The following BAIAP2L2 variants were observed in gnomAD, a reference collection of about 807,000 sequenced individuals.
BAIAP2L2 encodes the protein BAR/IMD domain containing adaptor protein 2 like 2.
BAIAP2L2 carries 65 observed loss-of-function variants against 60.4 expected under a neutral mutation model. The observed-to-expected ratio is 1.08, with a 90% CI of 0.88 to 1.32. The LOEUF is 1.32. Among genes scored for constraint, BAIAP2L2 ranks in the 40% most tolerant of loss-of-function variants. BAIAP2L2 has a pLI of 0.00. For missense variants in BAIAP2L2, 836 were observed against 741.2 expected, an observed-to-expected ratio of 1.13 and a Z score of -1.48; for synonymous variants, 344 against 301.7, an observed-to-expected ratio of 1.14 and a Z score of -1.45.
intron 7 of BAIAP2L2, among the ~76,000 whole-genome samples, chr22:38,094,950 G>A (rs1388133058): frequency 6.6e-6 from 1 of 152,068 alleles, no homozygotes; most frequent in Non-Finnish European, 1.5e-5. Context: ...TCAGGAGTTC[G>A]AGACCACCCT....
chr22:38,104,138 C>T (rs1035292659), intron 4 of BAIAP2L2, among the ~76,000 whole-genome samples: 1 of 152,124 alleles, frequency 6.6e-6, no homozygotes, highest in East Asian at 1.9e-4. Context: ...CCATATGAAA[C>T]GTGCCAGTGG....
chr22:38,107,413 G>A (rs916789964), intron 4 of BAIAP2L2, among the ~76,000 whole-genome samples: 3 of 152,142 alleles, frequency 2.0e-5, no homozygotes, highest in Admixed American at 6.6e-5. Context: ...CTGCTGGATC[G>A]ACAGAGCCAG....
In BAIAP2L2 at chr22:38,098,469, T is replaced by C. The variant is rs962391577; in HGVS notation, c.290A>G (p.His97Arg). Residue 97 changes from histidine to arginine, a missense_variant, in exon 5 of 14, where the codon CAT becomes CGT. Physicochemically the swap from His to Arg is conservative, Grantham distance 29. Coordinates refer to ENST00000381669, the MANE Select transcript of BAIAP2L2 (RefSeq NM_025045.6). ...SDLEVVVQTF[H>R]GGLLQHMEKN... ...CTCCATGTGCTGCAGCAGGCCTCCA[T>C]GGAATGTCTGCACCTGAGCGGAGTG... 1 of 1,613,802 alleles carries C rather than the reference T, an allele frequency of 6.2e-7. No homozygotes were observed. Among genetic ancestry groups the C allele is most frequent in the Admixed American group, 1.7e-5 (1 of 60,012 alleles).
Position 38,089,110 on chromosome 22 carries a change from C to CG in BAIAP2L2, c.886dup (p.Arg296ProfsTer137). Reference sequence around the variant, plus strand: ...GGGGCACTCACAGGCCGACGGCGTGCGGGGCAGGGAGCGACGGTCTGGCTC... The same window carrying CG: ...GGGGCACTCACAGGCCGACGGCGTGCGGGGGCAGGGAGCGACGGTCTGGCTC... On this transcript the variant is annotated frameshift_variant, in exon 9 of 14. Coordinates refer to ENST00000381669, the MANE Select transcript of BAIAP2L2 (RefSeq NM_025045.6). LOFTEE classifies it high-confidence loss of function. 1 of 1,375,764 alleles carries CG rather than the reference C, an allele frequency of 7.3e-7. No homozygotes were observed. Among genetic ancestry groups the CG allele is most frequent in the Non-Finnish European group, 9.3e-7 (1 of 1,071,012 alleles). The allele number at this position is 1,375,764 out of a possible 1,614,324, so 85.2% of individuals were successfully genotyped here.
chr22:38,098,008 C>CCCCCCCCCCA, intron 6 of BAIAP2L2, 55 bp downstream of exon 6: 1 of 506,978 alleles, frequency 2.0e-6, no homozygotes, highest in Non-Finnish European at 2.8e-6. Flanking sequence ...CGGTCTCGCC[C>CCCCCCCCCCA]CGAGGTCTGC....
At chr22:38,085,509 G>C (rs9610902) in intron 13 of BAIAP2L2, 134 bp from the exon 14 acceptor site, 9 of 1,247,420 alleles carry the variant, frequency 7.2e-6, no homozygotes, top group South Asian at 1.3e-5. Context: ...TCCTTGCCCC[G>C]CTTCATCTTT....
chr22:38,107,828 C>T (rs368830348), intron 4 of BAIAP2L2, 24 bp downstream of exon 4: 1 of 1,610,612 alleles, frequency 6.2e-7, no homozygotes, highest in Non-Finnish European at 8.5e-7. Flanking sequence ...GTGACCCCTC[C>T]AGGCCCTGGG....
intron 7 of BAIAP2L2, 31 bp downstream of exon 7, chr22:38,097,001 G>A (rs754264033): frequency 6.3e-7 from 1 of 1,591,018 alleles, no homozygotes; most frequent in Non-Finnish European, 8.6e-7. Context: ...TCCTAGAAGC[G>A]CCCCGCTTGC....
At chr22:38,108,687 G>A (rs1439384172) in intron 2 of BAIAP2L2, among the ~76,000 whole-genome samples, 1 of 152,140 alleles carries the variant, frequency 6.6e-6, no homozygotes, top group Non-Finnish European at 1.5e-5. Context: ...TGAATGTCAA[G>A]GCCAGCTGCA....
chr22:38,087,292 C>T (rs781200393), intron 10 of BAIAP2L2, 28 bp from the exon 11 acceptor site: 1 of 1,583,550 alleles, frequency 6.3e-7, no homozygotes, highest in African/African-American at 1.4e-5. Context: ...AGGACAATGA[C>T]CAAAAGAAGC....
chr22:38,089,186 C>T lies in BAIAP2L2; in HGVS notation c.811G>A (p.Gly271Ser), dbSNP rs2086203424. Reference protein sequence around the residue: ...GEFSSPRSRHGSGSYGTEPDA... With the variant: ...GEFSSPRSRHSSGSYGTEPDA... ...GGCTCGGTGCCGTAGGAGCCGGAGC[C>T]GTGCCGGCTGCGGGGGGAGCTGAAC... is the stretch of plus-strand genomic sequence containing the variant. Residue 271 changes from glycine (G) to serine (S), a missense_variant, in exon 9 of 14, where the codon GGC becomes AGC. Transcript: ENST00000381669. 4.0e-6 allele frequency: 5 copies of T among 1,249,818 alleles called. No homozygotes were observed. The South Asian group carries it at 7.5e-5, about 19-fold the overall frequency. The allele number at this position is 1,249,818 out of a possible 1,614,324, so 77.4% of individuals were successfully genotyped here. A position where few individuals can be genotyped will look rare whatever the true frequency, so the allele number is the denominator to read the frequency against.
chr22:38,087,172 G>T lies in BAIAP2L2; in HGVS notation c.1211C>A (p.Ser404Tyr), dbSNP rs1333917635. ...GTTCATGGGTGTCATGGGGGACATG[G>T]AGGTCATGGAGGTCATGGGGGTCAC... ...TPVTPMTSMT[S>Y]MSPMTPMNPG... Residue 404 changes from serine (S) to tyrosine (Y), a missense_variant, in exon 11 of 14, where the codon TCC becomes TAC. By Grantham distance (144) the Ser-to-Tyr change is moderately radical. Transcript: ENST00000381669. 1 of 1,596,664 alleles carries T rather than the reference G, an allele frequency of 6.3e-7. No homozygotes were observed. The highest frequency in any genetic ancestry group is 8.5e-7 in the Non-Finnish European group (1 of 1,173,498).
At chr22:38,089,347 GA>G in intron 8 of BAIAP2L2, 116 bp from the exon 9 acceptor site, 1 of 569,982 alleles carries the variant, frequency 1.8e-6, no homozygotes, top group Non-Finnish European at 2.6e-6. Flanking sequence ...TGGGGGCGGA[GA>G]CCGGGCCACC....
At chr22:38,101,645 G>A (rs1446085304) in intron 4 of BAIAP2L2, among the ~76,000 whole-genome samples, 1 of 150,412 alleles carries the variant, frequency 6.6e-6, no homozygotes, top group Non-Finnish European at 1.5e-5. Context: ...CCTGAGGTCA[G>A]GAGTTTGAGA....
chr22:38,090,767 G>A (rs1183850769), intron 7 of BAIAP2L2: 1 of 152,182 alleles, frequency 6.6e-6, no homozygotes, highest in East Asian at 1.9e-4. Context: ...CGTTGAAGGG[G>A]TCTGTGTTGG....
At chr22:38,088,704 C>G in intron 10 of BAIAP2L2, 44 bp downstream of exon 10, 6 of 1,522,292 alleles carry the variant, frequency 3.9e-6, no homozygotes, top group Non-Finnish European at 5.3e-6. Flanking sequence ...CCCCCAGGGC[C>G]TTCTTCTCAA....
At chr22:38,095,712 C>T (rs965731946) in intron 7 of BAIAP2L2, among the ~76,000 whole-genome samples, 1 of 151,956 alleles carries the variant, frequency 6.6e-6, no homozygotes, top group Non-Finnish European at 1.5e-5. Context: ...TATGAATTGG[C>T]GGAGCGATGG....
Position 38,089,134 on chromosome 22 carries a change from T to C in BAIAP2L2, c.863A>G (p.Glu288Gly). The change falls in exon 9 of 14, where the codon GAG becomes GGG. Residue 288 changes from glutamate (E) to glycine (G), a missense_variant. Glu to Gly is a moderately conservative substitution (Grantham distance 98). Transcript: ENST00000381669. ...GCGGGGCAGGGAGCGACGGTCTGGC[T>C]CTAGCTGGGACGCGGGCCTCGCGTC... ...EPDARPASQL[E>G]PDRRSLPRTP... The C allele has an allele frequency of 7.4e-7, 1 of 1,352,602 alleles. No individual in the cohort carries two copies. Among genetic ancestry groups the C allele is most frequent in the South Asian group, 1.8e-5 (1 of 54,288 alleles). 83.8% of individuals were successfully genotyped at this position (1,352,602 alleles called of 1,614,324 possible).
At chr22:38,105,026 G>A (rs983239759) in intron 4 of BAIAP2L2, among the ~76,000 whole-genome samples, 1 of 152,118 alleles carries the variant, frequency 6.6e-6, no homozygotes, top group Non-Finnish European at 1.5e-5. Context: ...GATTCATTAC[G>A]CTCTAATCTG....
Sources: gnomAD v4.1 joint callset for allele counts (sites outside exome capture counted in the v4.1 genomes callset) on GRCh38, gnomAD v4.1.1 for gene constraint, MANE v1.5 for transcripts, NCBI Gene and HGNC (gene_info 2026-07-23, HGNC 2026-07-21) for gene names.